The following CRIM1 variants were observed in gnomAD, a reference collection of about 807,000 sequenced individuals.
The protein encoded by CRIM1 is cysteine rich transmembrane BMP regulator 1, also known as cysteine-rich motor neuron 1 protein.
A neutral mutation model predicts 116.4 loss-of-function variants in CRIM1; 32 were observed. The observed-to-expected ratio is 0.27, with a 90% confidence interval of 0.21 to 0.37. The LOEUF (loss-of-function observed/expected upper bound fraction) is 0.37. Among genes scored for constraint, CRIM1 ranks in the 10% least tolerant of loss-of-function variants. The pLI, the probability that CRIM1 is intolerant of heterozygous loss-of-function variation, is 1.00. For missense variants in CRIM1, 1,331 were observed against 1,354.8 expected (o/e 0.98, Z 0.28); for synonymous variants, 590 against 509.2 (o/e 1.16, Z -2.13).
rs980741880 is a variant in CRIM1 at position 36,548,886 on chromosome 2, C to G, written c.*185C>G. The G allele has an allele frequency of 2.5e-6, 1 of 406,460 alleles. No homozygotes were observed. Among genetic ancestry groups the G allele is most frequent in the Non-Finnish European group, 4.3e-6 (1 of 232,212 alleles). The allele number at this position is 406,460 out of a possible 1,614,324, so 25.2% of individuals were successfully genotyped here. ...TGCAGAACAAGCATTCCCACTTTTC[C>G]TCAAGATAACTGACCAAGTGTTTTC... On this transcript the variant is annotated 3_prime_UTR_variant, in exon 17 of 17. Transcript: ENST00000280527.
chr2:36,545,560 C>T (rs10210291), intron 15 of CRIM1, among the ~76,000 whole-genome samples: 56,818 of 151,934 alleles, frequency 0.37, 10,979 homozygotes, highest in East Asian at 0.59. Flanking sequence ...TCCTAGGCAA[C>T]TGATTTGTTT....
At chr2:36,537,668 C>T in intron 14 of CRIM1, 122 bp downstream of exon 14, 1 of 1,062,282 alleles carries the variant, frequency 9.4e-7, no homozygotes, top group Non-Finnish European at 1.3e-6. Flanking sequence ...GTGTCAGGCC[C>T]AGTTAGCGCC....
intron 13 of CRIM1, chr2:36,529,040 G>A (rs1035983732): frequency 1.3e-5 from 6 of 464,604 alleles, no homozygotes; most frequent in African/African-American, 4.0e-5. Flanking sequence ...GGTGTGCTCC[G>A]CTCCAGCCCC....
intron 4 of CRIM1, among the ~76,000 whole-genome samples, chr2:36,453,616 G>T (rs1037933464): frequency 1.3e-5 from 2 of 152,200 alleles, no homozygotes; most frequent in Non-Finnish European, 2.9e-5. Context: ...GATATTTTGA[G>T]CATTTGTCAT....
At position 36,522,119 on chromosome 2, in the gene CRIM1, G is replaced by A. The variant is rs750320702; in HGVS notation, c.2234G>A (p.Arg745His). Reference sequence around the variant, plus strand: ...CAACCTTTTCGGCCTTCCTTGTCCCGCAATAACAGCGTACCTAATTACTGC... The same window carrying A: ...CAACCTTTTCGGCCTTCCTTGTCCCACAATAACAGCGTACCTAATTACTGC... ...TDQPFRPSLS[R>H]NNSVPNYCKN... The change falls in exon 13 of 17, where the codon CGC becomes CAC. Residue 745 changes from arginine to histidine, a missense_variant. Arg to His is a conservative substitution (Grantham distance 29). Around this residue, in one of 3 missense-constraint regions of CRIM1, gnomAD observed 358 missense variants for 436.1 expected, o/e 0.82. Coordinates refer to ENST00000280527, the MANE Select transcript of CRIM1 (RefSeq NM_016441.3). The A allele has an allele frequency of 1.2e-5, 19 of 1,613,908 alleles. No homozygotes were observed. Among genetic ancestry groups the A allele is most frequent in the East Asian group, 8.9e-5 (4 of 44,886 alleles).
Position 36,544,464 on chromosome 2 carries a change from G to C in CRIM1, c.2712G>C (p.Thr904=). ...EVDLEVPLWP[T]PSENDIVHLP... is the part of the protein sequence containing the mutation. ...ACCTGGAGGTTCCCCTGTGGCCCAC[G>C]CCTAGTGAAAATGATATCGTCCATC... The change falls in exon 15 of 17, where the codon ACG becomes ACC. Residue 904 remains threonine (T), a synonymous_variant. Transcript: ENST00000280527. The C allele has an allele frequency of 7.2e-7, 1 of 1,396,658 alleles. No individual in the cohort carries two copies. The highest frequency in any genetic ancestry group is 2.7e-5 in the East Asian group (1 of 36,852). The allele number at this position is 1,396,658 out of a possible 1,614,324, so 86.5% of individuals were successfully genotyped here.
intron 2 of CRIM1, among the ~76,000 whole-genome samples, chr2:36,411,881 A>ATAAGCTAT (rs1673237455): frequency 6.6e-6 from 1 of 152,192 alleles, no homozygotes; most frequent in South Asian, 2.1e-4. Flanking sequence ...CTTATAGAGG[A>ATAAGCTAT]TAAGCTATGA....
chr2:36,546,328 TCA>T lies in CRIM1; in HGVS notation c.2747-655_2747-654del, dbSNP rs1371498492. Among the ~76,000 whole-genome samples the T allele has an allele frequency of 2.6e-5, 4 of 152,284 alleles. No homozygotes were observed. In the East Asian group the frequency reaches 7.7e-4, roughly 29 times the overall value. On this transcript the variant is annotated intron_variant, in intron 15 of 16. Coordinates refer to ENST00000280527, the MANE Select transcript of CRIM1 (RefSeq NM_016441.3). ...GAGATATTTTAAAAGAACATAAAGG[TCA>T]TCATTCATAAGTGCAAAACTAAATG...
intron 1 of CRIM1, chr2:36,378,562 T>A (rs1192645318): frequency 2.8e-6 from 1 of 355,942 alleles, no homozygotes; most frequent in Admixed American, 3.7e-5. Context: ...GGAAGTTAAT[T>A]TGAAAGTTTA....
At chr2:36,397,952 CCA>C (rs1553373724) in intron 2 of CRIM1, among the ~76,000 whole-genome samples, 55 of 152,130 alleles carry the variant, frequency 3.6e-4, no homozygotes, top group Non-Finnish European at 6.5e-4. Flanking sequence ...ACTAATCACA[CCA>C]AGTATTCTTC....
chr2:36,475,413 T>A (rs1678893576), intron 5 of CRIM1, among the ~76,000 whole-genome samples: 2 of 152,212 alleles, frequency 1.3e-5, no homozygotes, highest in South Asian at 2.1e-4. Flanking sequence ...CAAACACAAT[T>A]TGGGGAGTTG....
intron 4 of CRIM1, among the ~76,000 whole-genome samples, chr2:36,445,521 G>A (rs1676172545): frequency 6.6e-6 from 1 of 152,204 alleles, no homozygotes; most frequent in Admixed American, 6.5e-5. Context: ...TTCATACATT[G>A]TTACTGAATT....
At chr2:36,396,329 AGTTGTT>A (rs1477459917) in intron 1 of CRIM1, among the ~76,000 whole-genome samples, 1 of 152,240 alleles carries the variant, frequency 6.6e-6, no homozygotes, top group Non-Finnish European at 1.5e-5. Flanking sequence ...AAGGCATCTC[AGTTGTT>A]GTTGTAATAA....
At chr2:36,518,590 C>G (rs924638409) in intron 12 of CRIM1, among the ~76,000 whole-genome samples, 1 of 152,174 alleles carries the variant, frequency 6.6e-6, no homozygotes, top group Admixed American at 6.5e-5. Context: ...TCATCATGCA[C>G]GGCAGCCCAA....
At chr2:36,381,079 C>G (rs1291086811) in intron 1 of CRIM1, among the ~76,000 whole-genome samples, 3 of 152,208 alleles carry the variant, frequency 2.0e-5, no homozygotes, top group Non-Finnish European at 2.9e-5. Flanking sequence ...GAACTTTTCC[C>G]TGCCAGCCTC....
chr2:36,522,776 TG>T (rs1665487416), intron 13 of CRIM1, among the ~76,000 whole-genome samples: 1 of 131,632 alleles, frequency 7.6e-6, no homozygotes, highest in African/African-American at 2.9e-5. Context: ...CACTCCAGCC[TG>T]GGTGACAGAG....
In CRIM1 at chr2:36,547,543, G is replaced by A. The variant is rs149196627; in HGVS notation, c.2934+372G>A. Among the ~76,000 whole-genome samples the A allele has an allele frequency of 1.5e-3, 232 of 152,236 alleles. 1 individual carries two copies. Among genetic ancestry groups the A allele is most frequent in the Middle Eastern group, 3.4e-3 (1 of 294 alleles). On this transcript the variant is annotated intron_variant, in intron 16 of 16. Coordinates refer to ENST00000280527, the MANE Select transcript of CRIM1 (RefSeq NM_016441.3). The stretch of plus-strand genomic sequence containing the variant: ...TAGTCATCAGTCAACTTAGAATTGG[G>A]AGAGAAAAAAAGTCCCAAAGGGATG...
At chr2:36,488,337 C>A (rs1466400092) in intron 7 of CRIM1, among the ~76,000 whole-genome samples, 2 of 152,168 alleles carry the variant, frequency 1.3e-5, no homozygotes, top group African/African-American at 4.8e-5. Context: ...TCACAGGTGG[C>A]TGATGAGGTG....
chr2:36,534,099 G>T lies in CRIM1; in HGVS notation c.2429-3253G>T, dbSNP rs139104835. On this transcript the variant is annotated intron_variant, in intron 13 of 16. Transcript: ENST00000280527. ...TGGGAAGGAGAGAGGGGAAAGGAAG[G>T]AAGGAGGGAGGGAAGGAGGGGAAAG... Among the ~76,000 whole-genome samples the T allele has an allele frequency of 5.5e-3, 786 of 143,948 alleles. 3 individuals are homozygous for T. The highest frequency in any genetic ancestry group is 0.029 in the Middle Eastern group (8 of 274). 94.4% of individuals were successfully genotyped at this position (143,948 alleles called of 152,430 possible).
Sources: allele counts gnomAD v4.1 joint callset (sites outside exome capture counted in the v4.1 genomes callset), GRCh38; gene constraint gnomAD v4.1.1; regional missense constraint gnomAD v4.1.1; transcripts MANE v1.5; gene names NCBI Gene and HGNC (gene_info 2026-07-23, HGNC 2026-07-21).